The following PHLDB2 variants were observed in gnomAD, a reference collection of about 807,000 sequenced individuals.
PHLDB2 encodes the protein pleckstrin homology-like domain family B member 2.
PHLDB2 carries 71 observed loss-of-function variants against 123.6 expected under a neutral mutation model. The observed-to-expected ratio is 0.57, with a 90% CI of 0.47 to 0.70. The LOEUF is 0.70. PHLDB2 is among the 30% of genes least tolerant of loss of function. The probability of loss-of-function intolerance (pLI) is 0.00; values close to 1 mark genes in which losing one functional copy is unlikely to be tolerated. For missense variants in PHLDB2, 1,446 were observed against 1,519.5 expected, an observed-to-expected ratio of 0.95 and a Z score of 0.80; for synonymous variants, 547 against 541.6, an observed-to-expected ratio of 1.01 and a Z score of -0.14.
intron 1 of PHLDB2, among the ~76,000 whole-genome samples, chr3:111,738,960 C>A (rs561693314): frequency 1.3e-5 from 2 of 152,244 alleles, no homozygotes; most frequent in East Asian, 3.9e-4. Context: ...ACTACACACA[C>A]CAACAGGGCA....
intron 1 of PHLDB2, among the ~76,000 whole-genome samples, chr3:111,866,930 G>GGTGTGTGTGTGTGTGTGTGTGTGTGT (rs3082321): frequency 7.9e-6 from 1 of 126,004 alleles, no homozygotes; most frequent in Non-Finnish European, 1.7e-5. Flanking sequence ...GTTTCTAAGG[G>GGTGTGTGTGTGTGTGTGTGTGTGTGT]GTGTGTGTGT....
At chr3:111,737,063 CCTT>C (rs1647949522) in intron 1 of PHLDB2, among the ~76,000 whole-genome samples, 3 of 152,288 alleles carry the variant, frequency 2.0e-5, no homozygotes, top group South Asian at 4.2e-4. Context: ...CTAAGGAAGT[CCTT>C]CTACAAATTG....
intron 1 of PHLDB2, among the ~76,000 whole-genome samples, chr3:111,860,641 T>C (rs938452790): frequency 2.0e-5 from 3 of 152,184 alleles, no homozygotes; most frequent in East Asian, 3.9e-4. Flanking sequence ...GTCAAACTGC[T>C]TCGCGGTTCC....
intron 6 of PHLDB2, among the ~76,000 whole-genome samples, chr3:111,937,999 C>G (rs2069608336): frequency 6.6e-6 from 1 of 151,910 alleles, no homozygotes; most frequent in South Asian, 2.1e-4. Flanking sequence ...TTTTCTAGAC[C>G]ATCTGATTTT....
chr3:111,972,565 ATTCAC>A (rs1487706034), intron 16 of PHLDB2, among the ~76,000 whole-genome samples: 1 of 152,018 alleles, frequency 6.6e-6, no homozygotes, highest in Non-Finnish European at 1.5e-5. Flanking sequence ...TATTTTCTCT[ATTCAC>A]TTCTATATAT....
chr3:111,776,720 T>G (rs2060273242), intron 1 of PHLDB2, among the ~76,000 whole-genome samples: 1 of 152,144 alleles, frequency 6.6e-6, no homozygotes, highest in Admixed American at 6.6e-5. Context: ...TCATATAAAC[T>G]TCACCTTCCC....
At chr3:111,962,558 G>A (rs1404499143) in intron 13 of PHLDB2, among the ~76,000 whole-genome samples, 2 of 152,150 alleles carry the variant, frequency 1.3e-5, no homozygotes, top group African/African-American at 4.8e-5. Flanking sequence ...CTCCACTTGA[G>A]CTCAAATTTA....
intron 10 of PHLDB2, among the ~76,000 whole-genome samples, chr3:111,950,604 C>CA (rs146381468): frequency 0.015 from 2,295 of 150,044 alleles, 59 homozygotes; most frequent in African/African-American, 0.053. Flanking sequence ...CTTGGGTATT[C>CA]AAAAAAAAAA....
chr3:111,769,804 T>C (rs2060142902), intron 1 of PHLDB2, among the ~76,000 whole-genome samples: 1 of 152,238 alleles, frequency 6.6e-6, no homozygotes. Context: ...CTTTAGCTGC[T>C]CTATTCAGTA....
chr3:111,973,855 C>T, intron 17 of PHLDB2, 38 bp downstream of exon 17: 2 of 1,247,964 alleles, frequency 1.6e-6, no homozygotes, highest in South Asian at 1.4e-5. Context: ...AATTTGAATG[C>T]ATAATTAAGA....
At chr3:111,917,986 A>G (rs1035732865) in intron 3 of PHLDB2, among the ~76,000 whole-genome samples, 4 of 152,156 alleles carry the variant, frequency 2.6e-5, no homozygotes, top group African/African-American at 9.7e-5. Context: ...CTGTATAATT[A>G]TTGACTTGCT....
intron 2 of PHLDB2, among the ~76,000 whole-genome samples, chr3:111,888,139 G>A (rs1244350018): frequency 6.6e-6 from 1 of 151,868 alleles, no homozygotes; most frequent in Non-Finnish European, 1.5e-5. Flanking sequence ...CCCAATCTTT[G>A]AACATTACCT....
intron 12 of PHLDB2, among the ~76,000 whole-genome samples, chr3:111,955,902 T>A (rs1028192087): frequency 6.6e-6 from 1 of 152,202 alleles, no homozygotes; most frequent in Admixed American, 6.5e-5. Flanking sequence ...CTATACTCCA[T>A]GTTAAAAGCA....
At chr3:111,869,493 A>C (rs1017701839) in intron 1 of PHLDB2, among the ~76,000 whole-genome samples, 3 of 152,204 alleles carry the variant, frequency 2.0e-5, no homozygotes, top group Non-Finnish European at 4.4e-5. Flanking sequence ...AAGAAAAAGA[A>C]AAGCAAGAAA....
intron 1 of PHLDB2, among the ~76,000 whole-genome samples, chr3:111,822,474 A>G (rs1187399089): frequency 6.6e-6 from 1 of 152,160 alleles, no homozygotes; most frequent in Non-Finnish European, 1.5e-5. Flanking sequence ...ACTTTCAGTG[A>G]ACATATAAAG....
intron 1 of PHLDB2, among the ~76,000 whole-genome samples, chr3:111,786,726 C>G (rs2060693891): frequency 6.6e-6 from 1 of 152,078 alleles, no homozygotes; most frequent in Non-Finnish European, 1.5e-5. Flanking sequence ...ACCCGGGCTA[C>G]AGTTTGTCAT....
intron 8 of PHLDB2, among the ~76,000 whole-genome samples, chr3:111,942,694 T>TG (rs1306359493): frequency 6.6e-6 from 1 of 152,144 alleles, no homozygotes; most frequent in Non-Finnish European, 1.5e-5. Context: ...AAGAAGGCTG[T>TG]GAAGGGCCTT....
At chr3:111,821,159 T>C (rs903213492) in intron 1 of PHLDB2, among the ~76,000 whole-genome samples, 5 of 152,340 alleles carry the variant, frequency 3.3e-5, no homozygotes, top group South Asian at 2.1e-4. Flanking sequence ...TTTCAGCAAC[T>C]GTCCCAAGAT....
At chr3:111,753,726 T>C (rs2059828781) in intron 1 of PHLDB2, among the ~76,000 whole-genome samples, 1 of 152,234 alleles carries the variant, frequency 6.6e-6, no homozygotes, top group African/African-American at 2.4e-5. Context: ...TCCTTGCCCA[T>C]GCCTATGTCC....
Sources: gnomAD v4.1 joint callset for allele counts (sites outside exome capture counted in the v4.1 genomes callset) on GRCh38, gnomAD v4.1.1 for gene constraint, MANE v1.5 for transcripts, NCBI Gene and HGNC (gene_info 2026-07-23, HGNC 2026-07-21) for gene names.